Variants in SLIT3 observed in about 807,000 individuals in gnomAD.
SLIT3 encodes slit guidance ligand 3.
A neutral mutation model predicts 184.0 loss-of-function variants in SLIT3; 68 were observed. The ratio of observed to expected loss-of-function variants is 0.37; its 90% CI spans 0.30 to 0.45. SLIT3 has a LOEUF of 0.45. Ranked by LOEUF, SLIT3 falls within the 20% of genes least tolerant of loss-of-function variation. The pLI is 1.00. For synonymous variants in SLIT3, 831 were observed against 828.6 expected (o/e 1.00, Z -0.05); for missense variants, 1,707 against 2,026.0 (o/e 0.84, Z 3.02).
intron 4 of SLIT3, among the ~76,000 whole-genome samples, chr5:169,027,027 T>C (rs1339466178): frequency 6.6e-6 from 1 of 152,136 alleles, no homozygotes; most frequent in Non-Finnish European, 1.5e-5. Context: ...AATGAAACAT[T>C]AGATGACAGT....
chr5:168,797,791 G>C (rs1756618887), intron 9 of SLIT3, among the ~76,000 whole-genome samples: 1 of 152,132 alleles, frequency 6.6e-6, no homozygotes, highest in Admixed American at 6.5e-5. Flanking sequence ...TGCAGATGAG[G>C]AAAAGAAAAC....
chr5:168,882,611 C>A (rs1033087258), intron 5 of SLIT3, among the ~76,000 whole-genome samples: 12 of 152,164 alleles, frequency 7.9e-5, no homozygotes, highest in South Asian at 4.2e-4. Flanking sequence ...TACTGTACTG[C>A]GGTTATGTCA....
intron 1 of SLIT3, among the ~76,000 whole-genome samples, chr5:169,294,089 C>T (rs1184303282): frequency 6.6e-6 from 1 of 152,182 alleles, no homozygotes; most frequent in African/African-American, 2.4e-5. Flanking sequence ...GCCTCCACCC[C>T]TTGTTTTTCC....
chr5:168,817,680 G>A (rs1757380471), intron 7 of SLIT3, among the ~76,000 whole-genome samples: 1 of 152,212 alleles, frequency 6.6e-6, no homozygotes, highest in Admixed American at 6.5e-5. Context: ...GGGGTTCTGA[G>A]CAAAGCTCAT....
chr5:168,710,300 G>A (rs1762512602), intron 25 of SLIT3: 1 of 152,138 alleles, frequency 6.6e-6, no homozygotes, highest in South Asian at 2.1e-4. Flanking sequence ...TGAAGAATGA[G>A]AAGAAAATAC....
chr5:168,859,581 G>T (rs1192326769), intron 5 of SLIT3, among the ~76,000 whole-genome samples: 1 of 152,206 alleles, frequency 6.6e-6, no homozygotes, highest in Non-Finnish European at 1.5e-5. Context: ...TGGTTTTCAA[G>T]CAATGTGGTT....
intron 5 of SLIT3, among the ~76,000 whole-genome samples, chr5:168,864,359 A>G (rs1759224862): frequency 6.6e-6 from 1 of 152,194 alleles, no homozygotes; most frequent in African/African-American, 2.4e-5. Flanking sequence ...CTACTCTACA[A>G]TAGTTCAGTG....
intron 4 of SLIT3, chr5:169,022,951 GA>G (rs1227238031): frequency 1.3e-5 from 2 of 151,778 alleles, no homozygotes; most frequent in Non-Finnish European, 1.5e-5. Context: ...CAGGTAATAA[GA>G]AAAAAAATAT....
At chr5:169,028,720 G>A (rs1163785742) in intron 4 of SLIT3, among the ~76,000 whole-genome samples, 1 of 152,180 alleles carries the variant, frequency 6.6e-6, no homozygotes, top group Non-Finnish European at 1.5e-5. Flanking sequence ...CACTAAGCTA[G>A]CTAGACTAAT....
chr5:168,907,969 TATATATATATAG>T (rs1264252389), intron 4 of SLIT3, among the ~76,000 whole-genome samples: 5 of 76,698 alleles, frequency 6.5e-5, no homozygotes, highest in South Asian at 8.1e-4. Context: ...TATATATATA[TATATATATATAG>T]AGAGAGAGAG....
chr5:169,221,509 C>A (rs1196771250), intron 3 of SLIT3, among the ~76,000 whole-genome samples: 2 of 152,170 alleles, frequency 1.3e-5, no homozygotes, highest in African/African-American at 4.8e-5. Flanking sequence ...GATGCCAAGA[C>A]AATGTTAGTC....
chr5:168,941,047 G>A (rs1762316735), intron 4 of SLIT3, among the ~76,000 whole-genome samples: 5 of 152,168 alleles, frequency 3.3e-5, no homozygotes. Flanking sequence ...TTTAACTTTT[G>A]AAACCTTTGA....
intron 4 of SLIT3, among the ~76,000 whole-genome samples, chr5:169,187,111 GTTTT>G (rs761501769): frequency 2.1e-5 from 2 of 94,418 alleles, no homozygotes; most frequent in Non-Finnish European, 1.9e-5. Flanking sequence ...GCAGCTATAG[GTTTT>G]TTTTTTTTTT....
chr5:169,211,583 G>T (rs1764267105), intron 3 of SLIT3, among the ~76,000 whole-genome samples: 1 of 152,166 alleles, frequency 6.6e-6, no homozygotes, highest in Non-Finnish European at 1.5e-5. Flanking sequence ...ACATTAGGGT[G>T]CACCTTCCTT....
intron 4 of SLIT3, among the ~76,000 whole-genome samples, chr5:169,163,103 A>C (rs1329643830): frequency 6.6e-6 from 1 of 152,118 alleles, no homozygotes; most frequent in African/African-American, 2.4e-5. Context: ...TGGGTGGATC[A>C]TGAGGTCAGG....
chr5:169,106,242 A>G (rs1057166021), intron 4 of SLIT3, among the ~76,000 whole-genome samples: 10 of 152,212 alleles, frequency 6.6e-5, no homozygotes, highest in Non-Finnish European at 1.5e-4. Context: ...CAGAGATCAG[A>G]ATGCAGAAGC....
At chr5:169,099,697 C>T (rs554595029) in intron 4 of SLIT3, among the ~76,000 whole-genome samples, 1 of 152,324 alleles carries the variant, frequency 6.6e-6, no homozygotes, top group African/African-American at 2.4e-5. Context: ...CATATCCTGA[C>T]ACAGAATGCC....
chr5:168,783,758 C>A (rs558562000), intron 12 of SLIT3, among the ~76,000 whole-genome samples: 1 of 152,280 alleles, frequency 6.6e-6, no homozygotes, highest in South Asian at 2.1e-4. Flanking sequence ...TGCTTTCCAA[C>A]CACTCAATGG....
intron 24 of SLIT3, 46 bp downstream of exon 24, chr5:168,712,237 G>C: frequency 6.5e-7 from 1 of 1,532,584 alleles, no homozygotes; most frequent in Non-Finnish European, 9.0e-7. Context: ...ACACTTTCAT[G>C]CTTTCATGTT....
Sources: allele counts gnomAD v4.1 joint callset (sites outside exome capture counted in the v4.1 genomes callset), GRCh38; gene constraint gnomAD v4.1.1; transcripts MANE v1.5; gene names NCBI Gene and HGNC (gene_info 2026-07-23, HGNC 2026-07-21).